RAD51B: variants seen among roughly 807,000 people sequenced by gnomAD.
The protein encoded by RAD51B is DNA repair protein RAD51 homolog 2.
Under a neutral mutation model 42.2 loss-of-function variants are expected in RAD51B, and 38 were observed. That is an observed-to-expected ratio of 0.90 (90% CI 0.70 to 1.18). The LOEUF is 1.18. Ranked by LOEUF, RAD51B falls within the 50% of genes most tolerant of loss-of-function variation. The probability of loss-of-function intolerance (pLI) is 0.00; values close to 1 mark genes in which losing one functional copy is unlikely to be tolerated. For missense variants in RAD51B, 373 were observed against 400.7 expected (o/e 0.93, Z 0.59); for synonymous variants, 154 against 145.2 (o/e 1.06, Z -0.43).
At chr14:68,303,178 G>A (rs1036306485) in intron 8 of RAD51B, among the ~76,000 whole-genome samples, 1 of 152,178 alleles carries the variant, frequency 6.6e-6, no homozygotes, top group Non-Finnish European at 1.5e-5. Flanking sequence ...GCAGGGACAT[G>A]GATGAAGCTG....
At chr14:68,212,203 TAA>T (rs1345917608) in intron 7 of RAD51B, among the ~76,000 whole-genome samples, 2 of 152,088 alleles carry the variant, frequency 1.3e-5, no homozygotes, top group Non-Finnish European at 2.9e-5. Context: ...TGCCATTTAG[TAA>T]AAAAGGGAGA....
At chr14:68,541,098 C>A in intron 10 of RAD51B, 1 of 985,382 alleles carries the variant, frequency 1.0e-6, no homozygotes, top group Non-Finnish European at 1.2e-6. Flanking sequence ...GAAGGAAGCC[C>A]TCTGTGATGT....
At chr14:68,264,699 C>A (rs116962915) in intron 7 of RAD51B, among the ~76,000 whole-genome samples, 2,294 of 152,138 alleles carry the variant, frequency 0.015, 21 homozygotes, top group Non-Finnish European at 0.023. Context: ...TTATTTTAAT[C>A]GGAGAAGAGA....
chr14:68,674,593 A>C (rs1210090255), intron 11 of RAD51B, among the ~76,000 whole-genome samples: 1 of 152,154 alleles, frequency 6.6e-6, no homozygotes, highest in East Asian at 1.9e-4. Flanking sequence ...AGAAAGTCAG[A>C]AAATGTGTAT....
intron 8 of RAD51B, among the ~76,000 whole-genome samples, chr14:68,344,641 C>T (rs575618277): frequency 5.2e-5 from 6 of 114,594 alleles, no homozygotes; most frequent in East Asian, 2.6e-4. Context: ...AGCGAGACTC[C>T]GTCTCAAAAA....
At chr14:67,944,459 G>A (rs1360677179) in intron 7 of RAD51B, among the ~76,000 whole-genome samples, 2 of 151,812 alleles carry the variant, frequency 1.3e-5, no homozygotes, top group Non-Finnish European at 2.9e-5. Context: ...TCATAAAAAC[G>A]TGGTTGTAAA....
At chr14:68,540,418 T>C in intron 10 of RAD51B, 1 of 985,188 alleles carries the variant, frequency 1.0e-6, no homozygotes, top group Non-Finnish European at 1.2e-6. Context: ...CAGCCCTCCC[T>C]TATTCAATTT....
At chr14:68,287,188 C>A (rs2081429325) in intron 7 of RAD51B, among the ~76,000 whole-genome samples, 1 of 152,096 alleles carries the variant, frequency 6.6e-6, no homozygotes, top group Non-Finnish European at 1.5e-5. Flanking sequence ...TGAATCTATA[C>A]CCCGTATTTC....
intron 10 of RAD51B, among the ~76,000 whole-genome samples, chr14:68,584,702 G>A (rs972595211): frequency 3.3e-5 from 5 of 152,120 alleles, no homozygotes; most frequent in Non-Finnish European, 5.9e-5. Context: ...CACTTCCATC[G>A]ATTCTTCCCC....
chr14:68,063,160 T>A (rs1187813734), intron 7 of RAD51B, among the ~76,000 whole-genome samples: 2 of 152,174 alleles, frequency 1.3e-5, no homozygotes, highest in Non-Finnish European at 2.9e-5. Flanking sequence ...TTGTTGATTT[T>A]GTTTATCTTT....
At chr14:68,337,423 A>C (rs1335971152) in intron 8 of RAD51B, among the ~76,000 whole-genome samples, 1 of 152,240 alleles carries the variant, frequency 6.6e-6, no homozygotes, top group African/African-American at 2.4e-5. Flanking sequence ...TCTGTGTGAA[A>C]GTAGATGCTA....
chr14:68,024,106 T>G (rs11852208), intron 7 of RAD51B, among the ~76,000 whole-genome samples: 26,336 of 152,148 alleles, frequency 0.17, 2,459 homozygotes, highest in Middle Eastern at 0.35. Context: ...AATAGGGAGT[T>G]CTTTTCCTAT....
intron 7 of RAD51B, among the ~76,000 whole-genome samples, chr14:68,084,786 A>G (rs898740465): frequency 6.6e-6 from 1 of 152,180 alleles, no homozygotes; most frequent in Non-Finnish European, 1.5e-5. Flanking sequence ...AACCCCTGCT[A>G]TATATATGCC....
chr14:68,042,880 T>A (rs942610933), intron 7 of RAD51B, among the ~76,000 whole-genome samples: 22 of 152,196 alleles, frequency 1.4e-4, no homozygotes, highest in Non-Finnish European at 2.8e-4. Context: ...GGGGATGGGA[T>A]CACAAAGCCT....
At chr14:68,030,957 G>T (rs1276312267) in intron 7 of RAD51B, among the ~76,000 whole-genome samples, 1 of 152,186 alleles carries the variant, frequency 6.6e-6, no homozygotes, top group Non-Finnish European at 1.5e-5. Flanking sequence ...GGAATGGCCA[G>T]TTTGTAAAGC....
chr14:68,636,622 C>T (rs1431823921), intron 10 of RAD51B, among the ~76,000 whole-genome samples: 1 of 151,086 alleles, frequency 6.6e-6, no homozygotes, highest in African/African-American at 2.4e-5. Context: ...TTTAAATGGC[C>T]ATTCATGTTC....
intron 7 of RAD51B, among the ~76,000 whole-genome samples, chr14:67,951,312 A>G (rs1449637296): frequency 6.6e-6 from 1 of 152,162 alleles, no homozygotes; most frequent in Non-Finnish European, 1.5e-5. Flanking sequence ...TAATAATAAT[A>G]TCATTTTATT....
intron 9 of RAD51B, among the ~76,000 whole-genome samples, chr14:68,449,969 T>G (rs575528527): frequency 6.6e-6 from 1 of 152,314 alleles, no homozygotes; most frequent in South Asian, 2.1e-4. Context: ...AGCTCTAGTT[T>G]ACTTCTAAAA....
rs556426106 is a variant in RAD51B at position 68,528,922 on chromosome 14, CAGTT to C, written c.1036+60676_1036+60679del. On this transcript the variant is annotated intron_variant, in intron 10 of 10. Coordinates refer to the RAD51B transcript ENST00000487270. ...GTTAGATAACTTGCTCCCAGTCTCTCAGTTAGTAAGTGATAAGTCTGCAGAAGAA... is the reference window on the plus strand; with the variant it reads ...GTTAGATAACTTGCTCCCAGTCTCTCAGTAAGTGATAAGTCTGCAGAAGAA... Among the ~76,000 whole-genome samples the C allele has an allele frequency of 1.2e-3, 177 of 152,318 alleles. 1 individual carries two copies. The highest frequency in any genetic ancestry group is 1.9e-3 in the Non-Finnish European group (132 of 68,014).
Sources: gnomAD v4.1 joint callset for allele counts (sites outside exome capture counted in the v4.1 genomes callset) on GRCh38, gnomAD v4.1.1 for gene constraint, MANE v1.5 for transcripts, NCBI Gene and HGNC (gene_info 2026-07-23, HGNC 2026-07-21) for gene names.